SCAI: variants seen among roughly 807,000 people sequenced by gnomAD.
SCAI encodes the protein protein SCAI.
A neutral mutation model predicts 92.2 loss-of-function variants in SCAI; 24 were observed. The ratio of observed to expected loss-of-function variants is 0.26; its 90% CI spans 0.19 to 0.37. The LOEUF is 0.37. Ranked by LOEUF, SCAI falls within the 10% of genes least tolerant of loss-of-function variation. The pLI is 1.00. For missense variants in SCAI, 450 were observed against 736.2 expected, an observed-to-expected ratio of 0.61 and a Z score of 4.50; for synonymous variants, 261 against 258.6, an observed-to-expected ratio of 1.01 and a Z score of -0.09.
At chr9:124,991,705 C>T (rs1040077738) in intron 14 of SCAI, among the ~76,000 whole-genome samples, 4 of 151,834 alleles carry the variant, frequency 2.6e-5, no homozygotes, top group African/African-American at 4.8e-5. Flanking sequence ...GGTGTGGTGG[C>T]GTGTGCCTCT....
At chr9:125,113,482 G>A (rs1834970239) in intron 2 of SCAI, among the ~76,000 whole-genome samples, 1 of 151,970 alleles carries the variant, frequency 6.6e-6, no homozygotes, top group Non-Finnish European at 1.5e-5. Context: ...GTGGTATCCT[G>A]GGTGCAACAG....
At chr9:124,992,446 C>T (rs967276515) in intron 14 of SCAI, among the ~76,000 whole-genome samples, 3 of 151,232 alleles carry the variant, frequency 2.0e-5, no homozygotes, top group Non-Finnish European at 2.9e-5. Flanking sequence ...TGCAATGGCA[C>T]GATCTTGGCT....
intron 4 of SCAI, among the ~76,000 whole-genome samples, chr9:125,028,990 GT>G (rs1833018629): frequency 6.6e-6 from 1 of 152,064 alleles, no homozygotes; most frequent in African/African-American, 2.4e-5. Context: ...TAGAGACAGG[GT>G]TTCACCATGT....
intron 17 of SCAI, among the ~76,000 whole-genome samples, chr9:124,967,071 C>G (rs1430853112): frequency 9.2e-5 from 14 of 152,060 alleles, no homozygotes; most frequent in Non-Finnish European, 1.9e-4. Flanking sequence ...TTTTAATGTC[C>G]TGGAGCCTTG....
At chr9:125,046,385 T>C (rs1334787694) in intron 3 of SCAI, among the ~76,000 whole-genome samples, 1 of 130,414 alleles carries the variant, frequency 7.7e-6, no homozygotes, top group Non-Finnish European at 1.6e-5. Flanking sequence ...ATAAAAGGAA[T>C]GAAATAATGG....
At chr9:125,032,192 T>TAC (rs1564386260) in intron 3 of SCAI, among the ~76,000 whole-genome samples, 2 of 74,822 alleles carry the variant, frequency 2.7e-5, no homozygotes, top group African/African-American at 1.1e-4. Flanking sequence ...TATATATATA[T>TAC]ATATTTTTTT....
At chr9:125,121,055 G>A (rs991174291) in intron 2 of SCAI, among the ~76,000 whole-genome samples, 3 of 151,748 alleles carry the variant, frequency 2.0e-5, no homozygotes, top group African/African-American at 7.3e-5. Context: ...CTAAAAAACT[G>A]AAATTTTTTT....
At chr9:125,071,784 G>A (rs1833983783) in intron 2 of SCAI, among the ~76,000 whole-genome samples, 1 of 152,202 alleles carries the variant, frequency 6.6e-6, no homozygotes, top group African/African-American at 2.4e-5. Flanking sequence ...AGAGCAAAAG[G>A]AGTGTTGGTT....
chr9:125,014,326 GA>G (rs1832703557), intron 9 of SCAI, among the ~76,000 whole-genome samples: 1 of 152,194 alleles, frequency 6.6e-6, no homozygotes, highest in Admixed American at 6.5e-5. Flanking sequence ...AGCAACTTCA[GA>G]AAAGTCTCAG....
At chr9:124,973,964 C>T (rs981550301) in intron 15 of SCAI, among the ~76,000 whole-genome samples, 3 of 152,230 alleles carry the variant, frequency 2.0e-5, no homozygotes, top group Non-Finnish European at 2.9e-5. Flanking sequence ...ATGTTCTTAA[C>T]GTCCACGTTA....
chr9:124,963,541 G>C (rs1831482804), intron 17 of SCAI, among the ~76,000 whole-genome samples: 1 of 151,844 alleles, frequency 6.6e-6, no homozygotes, highest in Non-Finnish European at 1.5e-5. Flanking sequence ...CTTGAGGCCA[G>C]GAGTTCGAGA....
chr9:125,143,260 G>C, intron 1 of SCAI, 125 bp downstream of exon 1: 67 of 396,368 alleles, frequency 1.7e-4, no homozygotes, highest in Middle Eastern at 8.0e-4. Flanking sequence ...GGTCCCCCCA[G>C]CCTGCACCCC....
chr9:125,042,640 C>CGTGTGTGTGTGT (rs1564390407), intron 3 of SCAI, among the ~76,000 whole-genome samples: 2 of 78,608 alleles, frequency 2.5e-5, no homozygotes, highest in African/African-American at 9.1e-5. Context: ...TGTGTACACA[C>CGTGTGTGTGTGT]ACACACACAC....
At chr9:125,142,996 C>T (rs1358482026) in intron 1 of SCAI, among the ~76,000 whole-genome samples, 3 of 151,454 alleles carry the variant, frequency 2.0e-5, no homozygotes, top group African/African-American at 7.3e-5. Flanking sequence ...CTCGTCACCC[C>T]CGCAAGCCCC....
intron 3 of SCAI, among the ~76,000 whole-genome samples, chr9:125,046,974 T>C (rs533395838): frequency 6.6e-6 from 1 of 152,266 alleles, no homozygotes; most frequent in South Asian, 2.1e-4. Context: ...GGTGACAGCA[T>C]AGTATTGAAT....
At chr9:125,073,333 T>C (rs1834020369) in intron 2 of SCAI, among the ~76,000 whole-genome samples, 2 of 151,622 alleles carry the variant, frequency 1.3e-5, no homozygotes, top group South Asian at 2.1e-4. Flanking sequence ...CTCGATCTCC[T>C]GACCTCGTGA....
At chr9:124,953,394 C>T (rs1216588154) in intron 17 of SCAI, among the ~76,000 whole-genome samples, 2 of 152,010 alleles carry the variant, frequency 1.3e-5, no homozygotes, top group Middle Eastern at 3.4e-3. Context: ...TTTGGGAGGC[C>T]GAAGCGGGCA....
intron 9 of SCAI, among the ~76,000 whole-genome samples, chr9:125,012,998 C>A (rs1387362466): frequency 6.6e-6 from 1 of 152,034 alleles, no homozygotes; most frequent in Non-Finnish European, 1.5e-5. Context: ...AAAGACACAA[C>A]ATACCAGAAT....
chr9:125,023,692 A>G (rs1832912934), intron 6 of SCAI, among the ~76,000 whole-genome samples: 1 of 152,116 alleles, frequency 6.6e-6, no homozygotes, highest in Admixed American at 6.5e-5. Context: ...GAAAAATTCT[A>G]AACTGCCACA....
Sources: gnomAD v4.1 joint callset for allele counts (sites outside exome capture counted in the v4.1 genomes callset) on GRCh38, gnomAD v4.1.1 for gene constraint, MANE v1.5 for transcripts, NCBI Gene and HGNC (gene_info 2026-07-23, HGNC 2026-07-21) for gene names.